Variants in RAB38 observed in about 807,000 individuals in gnomAD.
RAB38 encodes RAB38, member RAS oncogene family, also known as ras-related protein Rab-38.
RAB38 carries 15 observed loss-of-function variants against 18.4 expected under a neutral mutation model. That is an observed-to-expected ratio of 0.82 (90% CI 0.55 to 1.26). RAB38 has a LOEUF of 1.26. Ranked by LOEUF, RAB38 falls within the 50% of genes most tolerant of loss-of-function variation. The probability of loss-of-function intolerance (pLI) is 0.00; values close to 1 mark genes in which losing one functional copy is unlikely to be tolerated. For synonymous variants in RAB38, 101 were observed against 104.4 expected (o/e 0.97, Z 0.20); for missense variants, 294 against 267.4 (o/e 1.10, Z -0.69).
the RAB38 span, among the ~76,000 whole-genome samples, chr11:88,078,573 C>A: frequency 1.3e-5 from 2 of 151,152 alleles, no homozygotes; most frequent in Non-Finnish European, 3.0e-5. Context: ...TCATTTGCAG[C>A]AACCTGGGTG....
chr11:88,048,795 T>C, the RAB38 span, among the ~76,000 whole-genome samples: 2 of 152,176 alleles, frequency 1.3e-5, no homozygotes, highest in Admixed American at 6.5e-5. Context: ...CTCCTGGTCC[T>C]ATCCCCAAAC....
At chr11:87,806,455 C>T in the RAB38 span, among the ~76,000 whole-genome samples, 1 of 152,186 alleles carries the variant, frequency 6.6e-6, no homozygotes, top group Admixed American at 6.5e-5. Context: ...GTTCCTGTGA[C>T]CTAATCATCT....
the RAB38 span, among the ~76,000 whole-genome samples, chr11:87,828,606 T>A: frequency 2.6e-5 from 4 of 152,296 alleles, no homozygotes; most frequent in East Asian, 7.7e-4. Flanking sequence ...TAGGTTCTTC[T>A]TGCTCAGAGG....
At chr11:87,942,875 C>T in the RAB38 span, among the ~76,000 whole-genome samples, 3 of 152,118 alleles carry the variant, frequency 2.0e-5, no homozygotes, top group Non-Finnish European at 4.4e-5. Flanking sequence ...AATTTATATC[C>T]ATTGAGCTCT....
the RAB38 span, among the ~76,000 whole-genome samples, chr11:87,949,471 A>G: frequency 6.6e-6 from 1 of 151,914 alleles, no homozygotes; most frequent in Non-Finnish European, 1.5e-5. Flanking sequence ...AGTTCTTTTA[A>G]ATGTGATGTT....
chr11:88,010,679 T>C, the RAB38 span, among the ~76,000 whole-genome samples: 1 of 152,148 alleles, frequency 6.6e-6, no homozygotes, highest in African/African-American at 2.4e-5. Context: ...CAAATCACTT[T>C]TATATCCACT....
chr11:88,048,833 A>G, the RAB38 span, among the ~76,000 whole-genome samples: 6 of 152,260 alleles, frequency 3.9e-5, no homozygotes, highest in South Asian at 8.3e-4. Context: ...TCTTAAAGTA[A>G]ATAATCTTTG....
At chr11:87,964,159 A>G in the RAB38 span, among the ~76,000 whole-genome samples, 1 of 152,062 alleles carries the variant, frequency 6.6e-6, no homozygotes, top group South Asian at 2.1e-4. Context: ...AAACACCACC[A>G]TTTATTAGTG....
chr11:87,893,390 A>ATATATATATATATATATTTTTTTTT, the RAB38 span, among the ~76,000 whole-genome samples: 4 of 93,912 alleles, frequency 4.3e-5, no homozygotes, highest in Admixed American at 1.5e-4. Flanking sequence ...ATATATATAT[A>ATATATATATATATATATTTTTTTTT]TTTTTTTTTT....
intron 1 of RAB38, among the ~76,000 whole-genome samples, chr11:88,165,191 T>C (rs976419898): frequency 6.6e-6 from 1 of 152,172 alleles, no homozygotes; most frequent in African/African-American, 2.4e-5. Flanking sequence ...ACCATTATGC[T>C]GTTTATAATG....
At chr11:87,936,959 T>C in the RAB38 span, among the ~76,000 whole-genome samples, 1 of 152,188 alleles carries the variant, frequency 6.6e-6, no homozygotes, top group East Asian at 1.9e-4. Flanking sequence ...GTATGCATTT[T>C]CATTTCTTTC....
intron 1 of RAB38, among the ~76,000 whole-genome samples, chr11:88,155,670 T>G (rs1943116554): frequency 6.6e-6 from 1 of 152,186 alleles, no homozygotes; most frequent in South Asian, 2.1e-4. Flanking sequence ...GCACTAGCTT[T>G]CCAGCAAAGG....
At chr11:88,110,428 G>T (rs768564178), downstream of RAB38, among the ~76,000 whole-genome samples, 1 of 152,052 alleles carries the variant, frequency 6.6e-6, no homozygotes, top group Non-Finnish European at 1.5e-5. Context: ...TGCAGATGAT[G>T]GGTTGATGGG....
the RAB38 span, among the ~76,000 whole-genome samples, chr11:87,947,939 T>C: frequency 6.6e-6 from 1 of 152,176 alleles, no homozygotes; most frequent in Non-Finnish European, 1.5e-5. Flanking sequence ...AAGAAAGTCA[T>C]TGGTAGCTTG....
At chr11:87,968,969 T>C in the RAB38 span, among the ~76,000 whole-genome samples, 1 of 152,116 alleles carries the variant, frequency 6.6e-6, no homozygotes, top group African/African-American at 2.4e-5. Context: ...ATTTGGGTGC[T>C]CGTTACACTA....
the RAB38 span, among the ~76,000 whole-genome samples, chr11:88,079,524 TGAA>T: frequency 1.3e-5 from 2 of 151,810 alleles, no homozygotes; most frequent in African/African-American, 2.4e-5. Context: ...TCTAAGAATT[TGAA>T]GAAGATGGAA....
chr11:87,954,952 A>T, the RAB38 span, among the ~76,000 whole-genome samples: 1 of 152,232 alleles, frequency 6.6e-6, no homozygotes, highest in Non-Finnish European at 1.5e-5. Context: ...AATTTCTGAT[A>T]ATTAGTAATA....
At chr11:87,883,795 T>G in the RAB38 span, among the ~76,000 whole-genome samples, 1 of 151,912 alleles carries the variant, frequency 6.6e-6, no homozygotes, top group Non-Finnish European at 1.5e-5. Flanking sequence ...ACCTAAGAAA[T>G]GTAGATGGCT....
chr11:88,076,650 A>T, the RAB38 span, among the ~76,000 whole-genome samples: 1 of 152,146 alleles, frequency 6.6e-6, no homozygotes, highest in Admixed American at 6.5e-5. Context: ...AATTCTATTT[A>T]TAATAGCTAT....
Sources: allele counts gnomAD v4.1 joint callset (sites outside exome capture counted in the v4.1 genomes callset), GRCh38; gene constraint gnomAD v4.1.1; transcripts MANE v1.5; gene names NCBI Gene and HGNC (gene_info 2026-07-23, HGNC 2026-07-21).